Variants in MDGA2 observed in about 807,000 individuals in gnomAD.
MDGA2 encodes MAM domain containing glycosylphosphatidylinositol anchor 2, also known as MAM domain-containing glycosylphosphatidylinositol anchor protein 2.
A neutral mutation model predicts 117.8 loss-of-function variants in MDGA2; 40 were observed. The ratio of observed to expected loss-of-function variants is 0.34; its 90% CI spans 0.26 to 0.44. The LOEUF is 0.44. Among genes scored for constraint, MDGA2 ranks in the 20% least tolerant of loss-of-function variants. The probability of loss-of-function intolerance (pLI) is 1.00; values close to 1 mark genes in which losing one functional copy is unlikely to be tolerated. For missense variants in MDGA2, 1,123 were observed against 1,250.6 expected, an observed-to-expected ratio of 0.90 and a Z score of 1.54; for synonymous variants, 452 against 439.0, an observed-to-expected ratio of 1.03 and a Z score of -0.37.
intron 6 of MDGA2, among the ~76,000 whole-genome samples, chr14:47,083,205 G>A (rs74723963): frequency 0.031 from 4,751 of 152,040 alleles, 261 homozygotes; most frequent in African/African-American, 0.11. Flanking sequence ...TTATGTAACT[G>A]TAATCCACAT....
At chr14:47,153,439 G>A (rs1883238322) in intron 3 of MDGA2, among the ~76,000 whole-genome samples, 1 of 152,180 alleles carries the variant, frequency 6.6e-6, no homozygotes, top group Non-Finnish European at 1.5e-5. Context: ...AACGTAAAGA[G>A]AGAACTTCAC....
At chr14:47,172,852 A>G (rs1201188541) in intron 3 of MDGA2, among the ~76,000 whole-genome samples, 1 of 152,210 alleles carries the variant, frequency 6.6e-6, no homozygotes, top group East Asian at 1.9e-4. Flanking sequence ...AACTACTCCG[A>G]GCTACAGGAG....
chr14:47,619,120 C>T (rs558276938), intron 1 of MDGA2, among the ~76,000 whole-genome samples: 298 of 128,922 alleles, frequency 2.3e-3, no homozygotes, highest in Middle Eastern at 4.0e-3. Flanking sequence ...TTTAATTACA[C>T]ACACACACAC....
intron 8 of MDGA2, among the ~76,000 whole-genome samples, chr14:47,015,734 T>C (rs796753015): frequency 1.3e-5 from 2 of 152,126 alleles, no homozygotes; most frequent in African/African-American, 4.8e-5. Context: ...CCAAGGAGTG[T>C]CTGAACTAGG....
At position 47,662,215 on chromosome 14, in the gene MDGA2, A is replaced by G. The variant is rs1248326212; in HGVS notation, c.280+12302T>C. On this transcript the variant is annotated intron_variant, in intron 1 of 16. Coordinates refer to ENST00000399232, the MANE Select transcript of MDGA2 (RefSeq NM_001113498.3). ...GAAAAGCACCCAGTTTCTTGGGATT[A>G]GCCTAAATAAAGTTTAGCTACTATT... Among the ~76,000 whole-genome samples the G allele has an allele frequency of 5.9e-5, 9 of 152,316 alleles. No individual in the cohort carries two copies. In the East Asian group the frequency reaches 1.2e-3, roughly 20 times the overall value.
intron 8 of MDGA2, among the ~76,000 whole-genome samples, chr14:46,967,799 T>G (rs1226620903): frequency 1.3e-5 from 2 of 152,154 alleles, no homozygotes; most frequent in East Asian, 3.9e-4. Context: ...AAATTTTCAT[T>G]TATTAATTAA....
intron 1 of MDGA2, among the ~76,000 whole-genome samples, chr14:47,642,465 C>T (rs982536557): frequency 2.0e-5 from 3 of 151,964 alleles, no homozygotes; most frequent in Non-Finnish European, 2.9e-5. Flanking sequence ...AAGAGGGCTT[C>T]GAGAGAGCTT....
chr14:47,640,954 G>A (rs972907042), intron 1 of MDGA2, among the ~76,000 whole-genome samples: 4 of 151,756 alleles, frequency 2.6e-5, no homozygotes, highest in East Asian at 1.9e-4. Flanking sequence ...AAGAAAGTAC[G>A]TATCAACCAT....
chr14:47,247,432 G>A (rs1300961484), intron 2 of MDGA2, among the ~76,000 whole-genome samples: 1 of 150,696 alleles, frequency 6.6e-6, no homozygotes, highest in East Asian at 2.0e-4. Flanking sequence ...CGCCTCCTTG[G>A]TAGCTGGAAG....
At chr14:47,186,631 A>G (rs1004669953) in intron 3 of MDGA2, among the ~76,000 whole-genome samples, 1 of 151,944 alleles carries the variant, frequency 6.6e-6, no homozygotes, top group African/African-American at 2.4e-5. Flanking sequence ...AATTGTCAAG[A>G]TTCCATAGCT....
chr14:47,628,964 G>A (rs1897203687), intron 1 of MDGA2, among the ~76,000 whole-genome samples: 1 of 152,190 alleles, frequency 6.6e-6, no homozygotes, highest in Admixed American at 6.5e-5. Flanking sequence ...TCTCCATGGA[G>A]TACACAGAGG....
At position 47,002,008 on chromosome 14, in the gene MDGA2, ATCTGTTATC is replaced by A. The variant is rs1159533851; in HGVS notation, c.1819+32994_1819+33002del. ...TATTTTTAAAGGCAAAATATATTGT[ATCTGTTATC>A]TCCAGGTTGTGGAGTGGGGGCAACT... On this transcript the variant is annotated intron_variant, in intron 8 of 16. Transcript: ENST00000399232. Among the ~76,000 whole-genome samples, 4 of 152,144 alleles carry A rather than the reference ATCTGTTATC, an allele frequency of 2.6e-5. No individual in the cohort carries two copies. The South Asian group carries it at 8.3e-4, about 31-fold the overall frequency.
rs149107715 is a variant in MDGA2, at chr14:47,663,934, TCAA to T, written c.280+10580_280+10582del. Reference sequence around the variant, plus strand: ...ATTAAGAATACTCTTACTCCTTGATTCAACAACAAGATCAATACACGTATTTGA... The same window carrying T: ...ATTAAGAATACTCTTACTCCTTGATTCAACAAGATCAATACACGTATTTGA... On this transcript the variant is annotated intron_variant, in intron 1 of 16. Transcript: ENST00000399232. Among the ~76,000 whole-genome samples the T allele has an allele frequency of 3.9e-3, 600 of 152,264 alleles. 5 individuals carry two copies. Among genetic ancestry groups the T allele is most frequent in the African/African-American group, 0.014 (581 of 41,556 alleles).
intron 9 of MDGA2, among the ~76,000 whole-genome samples, chr14:46,947,845 A>T (rs942650055): frequency 1.3e-5 from 2 of 151,978 alleles, no homozygotes; most frequent in Admixed American, 6.6e-5. Context: ...TTTAAAAAAA[A>T]AATCTCAGTT....
At chr14:47,062,810 G>C (rs992973020) in intron 6 of MDGA2, among the ~76,000 whole-genome samples, 6 of 152,016 alleles carry the variant, frequency 3.9e-5, no homozygotes, top group Non-Finnish European at 8.8e-5. Context: ...GAATGAACTA[G>C]AGATAAATAT....
intron 1 of MDGA2, among the ~76,000 whole-genome samples, chr14:47,436,297 G>A (rs2138537197): frequency 1.3e-5 from 2 of 152,224 alleles, no homozygotes; most frequent in Middle Eastern, 6.8e-3. Flanking sequence ...GTATTCTAGT[G>A]TAGCAAGGGT....
chr14:47,445,918 G>A (rs1384874570), intron 1 of MDGA2, among the ~76,000 whole-genome samples: 1 of 152,092 alleles, frequency 6.6e-6, no homozygotes, highest in Non-Finnish European at 1.5e-5. Flanking sequence ...TACGATGGCT[G>A]AAAAATAGAA....
chr14:47,200,549 T>TTTTTTTG, intron 3 of MDGA2: 3 of 592,444 alleles, frequency 5.1e-6, no homozygotes, highest in South Asian at 4.1e-5. Flanking sequence ...TTTTTTTTTT[T>TTTTTTTG]GAGGAGTTAA....
Position 47,219,493 on chromosome 14 carries a change from A to G in MDGA2, c.421-1298T>C, listed in dbSNP as rs182473962. On this transcript the variant is annotated intron_variant, in intron 2 of 16. Transcript: ENST00000399232. ...CTGATTTCCAGTAGTTTATAAATGT[A>G]TTACTGACATACCCATAAGAAGAAA... Among the ~76,000 whole-genome samples the G allele has an allele frequency of 1.9e-3, 295 of 152,198 alleles. 1 individual carries two copies. Among genetic ancestry groups the G allele is most frequent in the Non-Finnish European group, 3.2e-3 (220 of 67,914 alleles).
Sources: allele counts gnomAD v4.1 joint callset (sites outside exome capture counted in the v4.1 genomes callset), GRCh38; gene constraint gnomAD v4.1.1; transcripts MANE v1.5; gene names NCBI Gene and HGNC (gene_info 2026-07-23, HGNC 2026-07-21).